Variants in PIP4K2A observed in about 807,000 individuals in gnomAD.
PIP4K2A encodes phosphatidylinositol-5-phosphate 4-kinase type 2 alpha, also known as phosphatidylinositol 5-phosphate 4-kinase type-2 alpha.
Under a neutral mutation model 42.9 loss-of-function variants are expected in PIP4K2A, and 14 were observed. The ratio of observed to expected loss-of-function variants is 0.33; its 90% CI spans 0.22 to 0.51. The LOEUF is 0.51. Among genes scored for constraint, PIP4K2A ranks in the 20% least tolerant of loss-of-function variants. The probability of loss-of-function intolerance (pLI) is 0.97; values close to 1 mark genes in which losing one functional copy is unlikely to be tolerated. For synonymous variants in PIP4K2A, 192 were observed against 192.2 expected (o/e 1.00, Z 0.01); for missense variants, 434 against 519.8 (o/e 0.83, Z 1.61).
At chr10:22,556,994 A>G (rs528927741) in intron 6 of PIP4K2A, among the ~76,000 whole-genome samples, 1 of 152,282 alleles carries the variant, frequency 6.6e-6, no homozygotes, top group African/African-American at 2.4e-5. Context: ...GCGAAGTGAG[A>G]TGCACACTCA....
chr10:22,541,142 C>T (rs1836100743), intron 8 of PIP4K2A, among the ~76,000 whole-genome samples: 1 of 152,200 alleles, frequency 6.6e-6, no homozygotes, highest in Admixed American at 6.5e-5. Flanking sequence ...TGCACCCAAT[C>T]ACCTGGATAC....
chr10:22,575,471 C>T (rs778555564), intron 4 of PIP4K2A, among the ~76,000 whole-genome samples: 4 of 152,134 alleles, frequency 2.6e-5, no homozygotes, highest in Non-Finnish European at 1.5e-5. Flanking sequence ...TGTCTCACAG[C>T]GACAAAGAAC....
intron 7 of PIP4K2A, among the ~76,000 whole-genome samples, chr10:22,545,499 G>C (rs925205754): frequency 2.6e-5 from 4 of 152,182 alleles, no homozygotes; most frequent in Admixed American, 1.3e-4. Flanking sequence ...CGCCACACCG[G>C]GCAGCCCAGA....
intron 1 of PIP4K2A, among the ~76,000 whole-genome samples, chr10:22,633,826 G>A (rs1244270766): frequency 2.0e-5 from 3 of 152,138 alleles, no homozygotes; most frequent in Non-Finnish European, 2.9e-5. Context: ...ATAAGCAAGC[G>A]GGAGGCCAAG....
chr10:22,643,295 A>G (rs1838816913), intron 1 of PIP4K2A, among the ~76,000 whole-genome samples: 1 of 152,250 alleles, frequency 6.6e-6, no homozygotes, highest in African/African-American at 2.4e-5. Context: ...TTATTGGAAC[A>G]GAGCCAGGCC....
chr10:22,672,838 A>G (rs1839481627), intron 1 of PIP4K2A, among the ~76,000 whole-genome samples: 1 of 152,238 alleles, frequency 6.6e-6, no homozygotes, highest in Admixed American at 6.5e-5. Flanking sequence ...CCAGCCCTCA[A>G]CGTCCTAAAA....
At chr10:22,604,008 C>G (rs532632849) in intron 3 of PIP4K2A, among the ~76,000 whole-genome samples, 2 of 83,018 alleles carry the variant, frequency 2.4e-5, no homozygotes, top group East Asian at 8.7e-4. Flanking sequence ...CACGCGCGCA[C>G]GCACACACAC....
chr10:22,668,641 C>G (rs1839394519), intron 1 of PIP4K2A, among the ~76,000 whole-genome samples: 3 of 152,180 alleles, frequency 2.0e-5, no homozygotes, highest in Non-Finnish European at 4.4e-5. Flanking sequence ...AGCTGGTTTT[C>G]TGAACTAGTC....
At chr10:22,671,739 G>A (rs1839453799) in intron 1 of PIP4K2A, among the ~76,000 whole-genome samples, 1 of 125,434 alleles carries the variant, frequency 8.0e-6, no homozygotes, top group Admixed American at 7.4e-5. Flanking sequence ...TGATTTACTT[G>A]GAAAATACAC....
At chr10:22,691,945 G>A (rs183235523) in intron 1 of PIP4K2A, 127 of 152,438 alleles carry the variant, frequency 8.3e-4, no homozygotes, top group African/African-American at 2.8e-3. Flanking sequence ...CAACCTTTCA[G>A]GCACCAGGGA....
At chr10:22,698,772 AT>A (rs1833648575) in intron 1 of PIP4K2A, among the ~76,000 whole-genome samples, 1 of 152,252 alleles carries the variant, frequency 6.6e-6, no homozygotes, top group Non-Finnish European at 1.5e-5. Flanking sequence ...GGAAAGAAAC[AT>A]TAAAACATTA....
chr10:22,573,910 G>A (rs1204578637), intron 4 of PIP4K2A, among the ~76,000 whole-genome samples: 2 of 152,236 alleles, frequency 1.3e-5, no homozygotes, highest in Admixed American at 6.5e-5. Flanking sequence ...AAATTGTGGG[G>A]AGCCCAGTGT....
intron 4 of PIP4K2A, among the ~76,000 whole-genome samples, chr10:22,584,997 A>G (rs1837360908): frequency 6.6e-6 from 1 of 152,168 alleles, no homozygotes; most frequent in Non-Finnish European, 1.5e-5. Context: ...CCTGGTAGAA[A>G]GGCGGCCTCC....
intron 1 of PIP4K2A, among the ~76,000 whole-genome samples, chr10:22,697,773 AAC>A (rs371585720): frequency 6.6e-6 from 1 of 151,558 alleles, no homozygotes; most frequent in Non-Finnish European, 1.5e-5. Context: ...CACACACACA[AAC>A]ACACACACAC....
At chr10:22,684,751 G>C (rs1839727470) in intron 1 of PIP4K2A, among the ~76,000 whole-genome samples, 1 of 152,104 alleles carries the variant, frequency 6.6e-6, no homozygotes, top group South Asian at 2.1e-4. Context: ...AATTACCCTG[G>C]AGTTCCTTGA....
chr10:22,558,498 A>G (rs920145233), intron 6 of PIP4K2A, among the ~76,000 whole-genome samples: 3 of 152,198 alleles, frequency 2.0e-5, no homozygotes, highest in African/African-American at 7.2e-5. Flanking sequence ...CTAAGCCACA[A>G]ATTTGATACA....
rs1377111633 is a variant in PIP4K2A, at chr10:22,591,681, A to G, written c.440T>C (p.Ile147Thr). ...SYDKRYIIKT[I>T]TSEDVAEMHN... ...CATTTCGGCCACGTCTTCACTGGTA[A>G]TAGTCTTGATGATGTATCTTTTGTC... Residue 147 changes from isoleucine to threonine, a missense_variant, in exon 4 of 10, where the codon ATT (isoleucine) becomes ACT (threonine). Ile to Thr is a moderately conservative substitution (Grantham distance 89). Coordinates refer to ENST00000376573, the MANE Select transcript of PIP4K2A (RefSeq NM_005028.5). 2 of 1,613,100 alleles carry G rather than the reference A, an allele frequency of 1.2e-6. No individual in the cohort carries two copies. The highest frequency in any genetic ancestry group is 1.3e-5 in the African/African-American group (1 of 74,908).
chr10:22,647,760 A>G (rs867818789), intron 1 of PIP4K2A, among the ~76,000 whole-genome samples: 1 of 152,222 alleles, frequency 6.6e-6, no homozygotes, highest in Non-Finnish European at 1.5e-5. Context: ...GGGAAGTGGC[A>G]TATTAAACCA....
chr10:22,669,969 T>C (rs554665443), intron 1 of PIP4K2A, among the ~76,000 whole-genome samples: 2 of 152,324 alleles, frequency 1.3e-5, no homozygotes, highest in South Asian at 2.1e-4. Flanking sequence ...CTCAGCATGA[T>C]GCATACATAA....
Sources: gnomAD v4.1 joint callset for allele counts (sites outside exome capture counted in the v4.1 genomes callset) on GRCh38, gnomAD v4.1.1 for gene constraint, MANE v1.5 for transcripts, NCBI Gene and HGNC (gene_info 2026-07-23, HGNC 2026-07-21) for gene names.